Variants in HSPG2 observed in about 807,000 individuals in gnomAD.
The protein encoded by HSPG2 is heparan sulfate proteoglycan 2.
In HSPG2, 278 loss-of-function variants were observed where a neutral mutation model predicts 526.6. The observed-to-expected ratio is 0.53, with a 90% CI of 0.48 to 0.58. HSPG2 has a LOEUF of 0.58. HSPG2 is among the 20% of genes least tolerant of loss of function. The pLI is 0.00. For missense variants in HSPG2, 5,354 were observed against 6,099.5 expected, an observed-to-expected ratio of 0.88 and a Z score of 4.07; for synonymous variants, 2,465 against 2,555.4, an observed-to-expected ratio of 0.96 and a Z score of 1.07.
chr1:21,855,076 C>T, intron 47 of HSPG2, 93 bp from the exon 48 acceptor site: 1 of 1,515,352 alleles, frequency 6.6e-7, no homozygotes, highest in Admixed American at 1.7e-5. Context: ...GAGGCAGGTG[C>T]AGGGCCAATA....
chr1:21,911,695 G>A (rs1218241926), intron 1 of HSPG2, among the ~76,000 whole-genome samples: 1 of 152,172 alleles, frequency 6.6e-6, no homozygotes, highest in Non-Finnish European at 1.5e-5. Flanking sequence ...CGGGAGGGAG[G>A]GAGTCCTGAA....
At position 21,937,152 on chromosome 1, in the gene HSPG2, C is replaced by T; in HGVS notation, c.63+3G>A. The T allele has an allele frequency of 1.1e-6, 1 of 942,004 alleles. No homozygotes were observed. The allele number at this position is 942,004 out of a possible 1,614,324, so 58.4% of individuals were successfully genotyped here. ...CCCCCGCCCCTCTGCCCCGCACACT[C>T]ACCGCCAGCAGCCGCCCGTGCAGCA... is the stretch of plus-strand genomic sequence containing the variant. On this transcript the variant is annotated splice_donor_region_variant and intron_variant, in intron 1 of 96. Coordinates refer to ENST00000374695, the MANE Select transcript of HSPG2 (RefSeq NM_005529.7).
chr1:21,870,023 T>C (rs1640526482), intron 33 of HSPG2, among the ~76,000 whole-genome samples: 1 of 152,170 alleles, frequency 6.6e-6, no homozygotes, highest in Non-Finnish European at 1.5e-5. Flanking sequence ...GCCCAAGCCA[T>C]TCATGGTTCT....
At chr1:21,846,085 C>T (rs780554741) in intron 64 of HSPG2, 23 bp downstream of exon 64, 11 of 1,611,420 alleles carry the variant, frequency 6.8e-6, no homozygotes, top group East Asian at 6.7e-5. Context: ...CCGGCCTTCC[C>T]GTCCCACTGC....
intron 1 of HSPG2, among the ~76,000 whole-genome samples, chr1:21,917,652 C>A (rs1407306745): frequency 2.6e-5 from 4 of 152,102 alleles, no homozygotes; most frequent in African/African-American, 9.7e-5. Flanking sequence ...CAGGGTAACA[C>A]AGGGCACATT....
In HSPG2 at chr1:21,847,218, T is replaced by C; in HGVS notation, c.8164+136A>G. 1 of 916,304 alleles carries C rather than the reference T, an allele frequency of 1.1e-6. No homozygotes were observed. The highest frequency in any genetic ancestry group is 2.2e-4 in the Middle Eastern group (1 of 4,644). The allele number at this position is 916,304 out of a possible 1,614,324, so 56.8% of individuals were successfully genotyped here. On this transcript the variant is annotated intron_variant, in intron 62 of 96. Coordinates refer to ENST00000374695, the MANE Select transcript of HSPG2 (RefSeq NM_005529.7). This position sits in a 1 kb window ranked among gnomAD's most constrained non-coding sequence, Gnocchi z 4.1. The stretch of plus-strand genomic sequence containing the variant: ...TGAAATGTTAGAAATGGGGTAGCCG[T>C]AGCCACTGAACCCACGCATCTTTCC...
rs1481919189 is a variant in HSPG2, at chr1:21,873,927, C to T, written c.3741G>A (p.Glu1247=). 1.9e-6 allele frequency: 3 copies of T among 1,585,668 alleles called. No individual in the cohort carries two copies. The highest frequency in any genetic ancestry group is 3.6e-5 in the Admixed American group (2 of 56,250). The part of the protein sequence containing the change: ...CSPGHSGRHC[E]RCAPGYYGNP... ...ACCCTCTCCACCCCCTGCCTCACCTCTCACAGTGACGCCCACTGTGGCCTG... is the reference window on the plus strand; with the variant it reads ...ACCCTCTCCACCCCCTGCCTCACCTTTCACAGTGACGCCCACTGTGGCCTG... The change falls in exon 29 of 97, where the codon GAG becomes GAA. Residue 1247 remains glutamate (E), a splice_region_variant and synonymous_variant. Coordinates refer to ENST00000374695, the MANE Select transcript of HSPG2 (RefSeq NM_005529.7).
rs199604790 is a variant in HSPG2, at chr1:21,888,043, T to A, written c.598A>T (p.Thr200Ser). The change falls in exon 7 of 97, where the codon ACG (threonine) becomes TCG (serine). Residue 200 changes from threonine (T) to serine (S), a missense_variant. Thr to Ser is a moderately conservative substitution (Grantham distance 58). Coordinates refer to ENST00000374695, the MANE Select transcript of HSPG2 (RefSeq NM_005529.7). Reference protein sequence around the residue: ...GTVPQFPRACTEAEFACHSYN... With the variant: ...GTVPQFPRACSEAEFACHSYN... ...CTGTGGCAGGCAAACTCGGCCTCCG[T>A]GCAGGCTCTTGGGAACTGGGGCACT... 131 of 1,613,936 alleles carry A rather than the reference T, an allele frequency of 8.1e-5. No homozygotes were observed. The highest frequency in any genetic ancestry group is 1.0e-4 in the Admixed American group (6 of 60,000).
chr1:21,887,556 G>A lies in HSPG2; in HGVS notation c.822C>T (p.Pro274=). 6.2e-7 allele frequency: 1 copy of A among 1,614,134 alleles called. No individual in the cohort carries two copies. The highest frequency in any genetic ancestry group is 8.5e-7 in the Non-Finnish European group (1 of 1,180,004). ...RQPPVTHAPQ[P]LLPGSVRPLP... is the part of the protein sequence containing the mutation. Reference sequence around the variant, plus strand: ...GGGGCCTGACGGAACCGGGAAGCAGGGGCTGAGGAGCGTGGGTGACTGGTG... The same window carrying A: ...GGGGCCTGACGGAACCGGGAAGCAGAGGCTGAGGAGCGTGGGTGACTGGTG... Residue 274 remains proline (P), a synonymous_variant, in exon 8 of 97, where the codon CCC becomes CCT. Transcript: ENST00000374695. This position sits in a 1 kb window ranked among gnomAD's most constrained non-coding sequence, Gnocchi z 5.0.
intron 1 of HSPG2, among the ~76,000 whole-genome samples, chr1:21,932,245 A>G (rs899724216): frequency 2.6e-4 from 39 of 152,128 alleles, no homozygotes; most frequent in African/African-American, 7.7e-4. Flanking sequence ...AGTTGTAGCA[A>G]TATCTACTGA....
rs781764117 is a variant in HSPG2, at chr1:21,893,210, G to C, written c.245-2516C>G. 6.6e-6 allele frequency among the ~76,000 whole-genome samples: 1 copy of C among 152,214 alleles called. No individual in the cohort carries two copies. Among genetic ancestry groups the C allele is most frequent in the Non-Finnish European group, 1.5e-5 (1 of 68,034 alleles). On this transcript the variant is annotated intron_variant, in intron 3 of 96. Transcript: ENST00000374695. This position sits in a 1 kb window ranked among gnomAD's most constrained non-coding sequence, Gnocchi z 4.3. ...TGGGTCCCTGTGGGTCCCTCGGGTG[G>C]GCCCAGGATTGGCCTGTGCTGGGGT...
At chr1:21,852,589 C>T in intron 52 of HSPG2, 111 bp downstream of exon 52, 1 of 1,470,374 alleles carries the variant, frequency 6.8e-7, no homozygotes, top group South Asian at 1.1e-5. Context: ...GCCCTGCAGC[C>T]AGCTCCGGTG....
intron 17 of HSPG2, 114 bp downstream of exon 17, chr1:21,879,993 C>G: frequency 8.0e-7 from 1 of 1,242,436 alleles, no homozygotes. Flanking sequence ...GATAGTTCAT[C>G]TGGCAGTCAT....
intron 1 of HSPG2, among the ~76,000 whole-genome samples, chr1:21,921,946 T>G (rs922236085): frequency 6.6e-6 from 1 of 152,070 alleles, no homozygotes; most frequent in African/African-American, 2.4e-5. Context: ...GAAAAGAGTG[T>G]TGGAGGAGAG....
At chr1:21,861,393 C>CA (rs967326272) in intron 39 of HSPG2, among the ~76,000 whole-genome samples, 1 of 152,010 alleles carries the variant, frequency 6.6e-6, no homozygotes, top group Non-Finnish European at 1.5e-5. Flanking sequence ...CATGGTGGCT[C>CA]ACGCCTGTAA....
At chr1:21,850,007 G>A (rs6658388) in intron 57 of HSPG2, 34 bp downstream of exon 57, 26 of 1,611,318 alleles carry the variant, frequency 1.6e-5, no homozygotes, top group Non-Finnish European at 2.0e-5. Flanking sequence ...GCAGCTACAG[G>A]GTCCTTCAGG....
Position 21,842,909 on chromosome 1 carries a change from G to A in HSPG2, c.8771C>T (p.Ala2924Val). The A allele has an allele frequency of 6.2e-7, 1 of 1,614,124 alleles. No individual in the cohort carries two copies. Among genetic ancestry groups the A allele is most frequent in the Non-Finnish European group, 8.5e-7 (1 of 1,180,016 alleles). The change falls in exon 67 of 97, where the codon GCC becomes GTC. Residue 2924 changes from alanine to valine, a missense_variant. Physicochemically the swap from Ala to Val is moderately conservative, Grantham distance 64. Transcript: ENST00000374695. ...GGAGGCCTCGATGTAGATGGGCTGG[G>A]CCAGTCCTGGAGCTGTGGGCACAGG... ...SPGPIPAPGL[A>V]QPIYIEASSS...
intron 1 of HSPG2, among the ~76,000 whole-genome samples, chr1:21,918,704 G>C (rs1643948089): frequency 6.6e-6 from 1 of 152,194 alleles, no homozygotes; most frequent in African/African-American, 2.4e-5. Context: ...TCAGTATAGT[G>C]TGTGGCACAT....
At chr1:21,906,259 G>A (rs563840427) in intron 1 of HSPG2, among the ~76,000 whole-genome samples, 2 of 152,372 alleles carry the variant, frequency 1.3e-5, no homozygotes, top group South Asian at 4.1e-4. Flanking sequence ...TCCCGGAGGG[G>A]TGGGTGGGGG....
Sources: gnomAD v4.1 joint callset for allele counts (sites outside exome capture counted in the v4.1 genomes callset) on GRCh38, gnomAD v4.1.1 for gene constraint, Gnocchi (gnomAD v3.1) non-coding constraint, MANE v1.5 for transcripts, NCBI Gene and HGNC (gene_info 2026-07-23, HGNC 2026-07-21) for gene names.